Variants in LGALS1 observed in about 807,000 individuals in gnomAD.
LGALS1 encodes the protein galectin-1.
Under a neutral mutation model 14.4 loss-of-function variants are expected in LGALS1, and 14 were observed. That is an observed-to-expected ratio of 0.97 (90% CI 0.64 to 1.52). The LOEUF is 1.52. Among genes scored for constraint, LGALS1 ranks in the 40% most tolerant of loss-of-function variants. The pLI is 0.00. For missense variants in LGALS1, 170 were observed against 181.4 expected, an observed-to-expected ratio of 0.94 and a Z score of 0.36; for synonymous variants, 71 against 73.4, an observed-to-expected ratio of 0.97 and a Z score of 0.17.
rs749836349 is a variant in LGALS1, at chr22:37,678,588, C to A, written c.195C>A (p.Asp65Glu). ...DANTIVCNSK[D>E]GGAWGTEQRE... ...ACACCATCGTGTGCAACAGCAAGGA[C>A]GGCGGGGCCTGGGGGACCGAGCAGC... Residue 65 changes from aspartate to glutamate, a missense_variant, in exon 3 of 4, where the codon GAC becomes GAA. Transcript: ENST00000215909. 3.8e-6 allele frequency: 6 copies of A among 1,580,934 alleles called. No individual in the cohort carries two copies. In the Admixed American group the frequency reaches 6.8e-5, roughly 18 times the overall value.
Position 37,679,583 on chromosome 22 carries a change from C to T in LGALS1, c.262-20C>T. The T allele has an allele frequency of 3.8e-6, 6 of 1,575,008 alleles. No individual in the cohort carries two copies. Among genetic ancestry groups the T allele is most frequent in the Non-Finnish European group, 5.2e-6 (6 of 1,158,278 alleles). Reference sequence around the variant, plus strand: ...GCCCATGGCATGTGGGCCCGGCTCACTGCTCTCCTCTACCCCCAGGTGTGC... The same window carrying T: ...GCCCATGGCATGTGGGCCCGGCTCATTGCTCTCCTCTACCCCCAGGTGTGC... On this transcript the variant is annotated intron_variant, in intron 3 of 3. Coordinates refer to ENST00000215909, the MANE Select transcript of LGALS1 (RefSeq NM_002305.4).
chr22:37,678,492 G>C lies in LGALS1; in HGVS notation c.99G>C (p.Leu33=). The change falls in exon 3 of 4, where the codon CTG becomes CTC. Residue 33 remains leucine (L), a synonymous_variant. Coordinates refer to ENST00000215909, the MANE Select transcript of LGALS1 (RefSeq NM_002305.4). ...ACCCGTTACCCCCCAGCTTCGTGCTGAACCTGGGCAAAGACAGCAACAACC... is the reference window on the plus strand; with the variant it reads ...ACCCGTTACCCCCCAGCTTCGTGCTCAACCTGGGCAAAGACAGCAACAACC... ...EVAPDAKSFV[L]NLGKDSNNLC... 6.2e-7 allele frequency: 1 copy of C among 1,613,548 alleles called. No homozygotes were observed. The highest frequency in any genetic ancestry group is 2.2e-5 in the East Asian group (1 of 44,892).
Position 37,679,691 on chromosome 22 carries a change from C to A in LGALS1, c.350C>A (p.Ala117Asp). 2 of 1,611,028 alleles carry A rather than the reference C, an allele frequency of 1.2e-6. No individual in the cohort carries two copies. Among genetic ancestry groups the A allele is most frequent in the South Asian group, 2.2e-5 (2 of 90,276 alleles). Residue 117 changes from alanine (A) to aspartate (D), a missense_variant, in exon 4 of 4, where the codon GCC becomes GAC. Coordinates refer to ENST00000215909, the MANE Select transcript of LGALS1 (RefSeq NM_002305.4). ...TTCCCCAACCGCCTCAACCTGGAGG[C>A]CATCAACTACATGGCAGCTGACGGT... is the stretch of plus-strand genomic sequence containing the variant. ...FKFPNRLNLE[A>D]INYMAADGDF...
Position 37,675,724 on chromosome 22 carries a change from A to AC in LGALS1, c.9+22dup, listed in dbSNP as rs374036530. The AC allele has an allele frequency of 0.16, 226,294 of 1,382,962 alleles. 4,146 individuals carry two copies. The highest frequency in any genetic ancestry group is 0.19 in the Middle Eastern group (789 of 4,216). 85.7% of individuals were successfully genotyped at this position (1,382,962 alleles called of 1,614,324 possible). A position where few individuals can be genotyped will look rare whatever the true frequency, so the allele number is the denominator to read the frequency against. On this transcript the variant is annotated intron_variant, in intron 1 of 3. Transcript: ENST00000215909. ...AATCATGGCTTGTGTGAGTGTGGGG[A>AC]CCCCCCCCCAAGGTCCAGGGGATAG...
chr22:37,677,335 C>A (rs1431886379), intron 2 of LGALS1: 3 of 469,562 alleles, frequency 6.4e-6, no homozygotes, highest in Non-Finnish European at 1.2e-5. Context: ...CCCGCCCCCA[C>A]CCCTTTCCGG....
rs1052972928 is a variant in LGALS1 at position 37,679,544 on chromosome 22, C to A, written c.262-59C>A. The stretch of plus-strand genomic sequence containing the variant: ...GGCTGTGTCAGGGCCACATGAGGAA[C>A]GGGTTCTGGAAGGGCCCATGGCATG... On this transcript the variant is annotated intron_variant, in intron 3 of 3. Coordinates refer to ENST00000215909, the MANE Select transcript of LGALS1 (RefSeq NM_002305.4). The A allele has an allele frequency of 6.2e-6, 9 of 1,449,864 alleles. No homozygotes were observed. The Admixed American group carries it at 1.2e-4, about 19-fold the overall frequency. The allele number at this position is 1,449,864 out of a possible 1,614,324, so 89.8% of individuals were successfully genotyped here.
intron 2 of LGALS1, chr22:37,677,325 C>T (rs552219911): frequency 8.3e-6 from 4 of 483,832 alleles, no homozygotes; most frequent in African/African-American, 3.9e-5. Context: ...CCTTGACTCC[C>T]CCGCCCCCAC....
chr22:37,679,789 C>T lies in LGALS1; in HGVS notation c.*40C>T. 6.5e-7 allele frequency: 1 copy of T among 1,546,982 alleles called. No individual in the cohort carries two copies. Among genetic ancestry groups the T allele is most frequent in the Non-Finnish European group, 8.8e-7 (1 of 1,141,060 alleles). ...TGGCCCCCAATAAAGGCAGCTGCCT[C>T]TGCTCCCTCTGAACCAGCCTCGTGT... On this transcript the variant is annotated 3_prime_UTR_variant, in exon 4 of 4. Transcript: ENST00000215909.
Position 37,675,707 on chromosome 22 carries a change from C to T in LGALS1, c.5C>T (p.Ala2Val), listed in dbSNP as rs1422822843. The change falls in exon 1 of 4, where the codon GCT becomes GTT. Residue 2 changes from alanine to valine, a missense_variant. By Grantham distance (64) the Ala-to-Val change is moderately conservative. Transcript: ENST00000215909. M[A>V]CGLVASNLNL... ...AACATCCTCCTGGACTCAATCATGG[C>T]TTGTGTGAGTGTGGGGACCCCCCCC... 1 of 1,544,622 alleles carries T rather than the reference C, an allele frequency of 6.5e-7. No individual in the cohort carries two copies. Among genetic ancestry groups the T allele is most frequent in the Non-Finnish European group, 8.7e-7 (1 of 1,144,364 alleles).
At chr22:37,679,000 G>A (rs545893160) in intron 3 of LGALS1, among the ~76,000 whole-genome samples, 5 of 151,378 alleles carry the variant, frequency 3.3e-5, no homozygotes, top group African/African-American at 7.3e-5. Context: ...GCGTGATGGC[G>A]CATGCCTGTA....
At position 37,675,647 on chromosome 22, in the gene LGALS1, G is replaced by A. The variant is rs777445892; in HGVS notation, c.-56G>A. ...GCGTCCGGGGGCCCATCTCTCTCGG[G>A]TGGAGTCTTCTGACAGCTGGTGCGC... is the stretch of plus-strand genomic sequence containing the variant. On this transcript the variant is annotated 5_prime_UTR_variant, in exon 1 of 4. It adds an upstream start codon to the 5' untranslated region. Coordinates refer to ENST00000215909, the MANE Select transcript of LGALS1 (RefSeq NM_002305.4). 5 of 1,545,622 alleles carry A rather than the reference G, an allele frequency of 3.2e-6. No individual in the cohort carries two copies. The highest frequency in any genetic ancestry group is 3.5e-6 in the Non-Finnish European group (4 of 1,144,552).
In LGALS1 at chr22:37,675,679, G is replaced by T; in HGVS notation, c.-24G>T. On this transcript the variant is annotated 5_prime_UTR_variant, in exon 1 of 4. Coordinates refer to ENST00000215909, the MANE Select transcript of LGALS1 (RefSeq NM_002305.4). ...CTTCTGACAGCTGGTGCGCCTGCCC[G>T]GGAACATCCTCCTGGACTCAATCAT... 6.5e-7 allele frequency: 1 copy of T among 1,549,634 alleles called. No individual in the cohort carries two copies. Among genetic ancestry groups the T allele is most frequent in the East Asian group, 2.4e-5 (1 of 41,002 alleles).
In LGALS1 at chr22:37,675,722, G is replaced by A. The variant is rs1384627586; in HGVS notation, c.9+11G>A. 6.5e-7 allele frequency: 1 copy of A among 1,538,212 alleles called. No individual in the cohort carries two copies. Among genetic ancestry groups the A allele is most frequent in the African/African-American group, 1.4e-5 (1 of 71,422 alleles). On this transcript the variant is annotated intron_variant, in intron 1 of 3. Transcript: ENST00000215909. ...TCAATCATGGCTTGTGTGAGTGTGG[G>A]GACCCCCCCCCAAGGTCCAGGGGAT...
chr22:37,676,225 C>CG (rs71195036), intron 1 of LGALS1: 7,104 of 66,500 alleles, frequency 0.11, 198 homozygotes, highest in Non-Finnish European at 0.15. Flanking sequence ...AGGCTGGTGG[C>CG]GGGGGGGGCG....
At chr22:37,677,633 G>A (rs1453600516) in intron 2 of LGALS1, 1 of 157,380 alleles carries the variant, frequency 6.4e-6, no homozygotes, top group Non-Finnish European at 1.4e-5. Flanking sequence ...CAGTGACAGT[G>A]AGGAGGATGA....
At chr22:37,679,493 C>T (rs1921559937) in intron 3 of LGALS1, 110 bp from the exon 4 acceptor site, 2 of 884,266 alleles carry the variant, frequency 2.3e-6, no homozygotes, top group Admixed American at 6.4e-5. Context: ...TATAAATGTA[C>T]CTCCGCAGGC....
chr22:37,677,085 T>C lies in LGALS1; in HGVS notation c.89+20T>C. 3.7e-6 allele frequency: 6 copies of C among 1,612,074 alleles called. No individual in the cohort carries two copies. The highest frequency in any genetic ancestry group is 5.1e-6 in the Non-Finnish European group (6 of 1,178,826). ...TAAGAGGTGAGAAGTGAAGTCGGGG[T>C]GGTGGGCGGCAGGGACGGGCTTGGT... On this transcript the variant is annotated intron_variant, in intron 2 of 3. Transcript: ENST00000215909.
At chr22:37,676,782 G>T in intron 1 of LGALS1, 1 of 649,836 alleles carries the variant, frequency 1.5e-6, no homozygotes, top group Non-Finnish European at 2.9e-6. Context: ...AGCCAACCCC[G>T]GTGGGAATAG....
chr22:37,677,736 C>T (rs1323842227), intron 2 of LGALS1: 1 of 152,142 alleles, frequency 6.6e-6, no homozygotes, highest in African/African-American at 2.4e-5. Context: ...ATTATCACCA[C>T]TCAACAAATG....
Sources: gnomAD v4.1 joint callset for allele counts (sites outside exome capture counted in the v4.1 genomes callset) on GRCh38, gnomAD v4.1.1 for gene constraint, MANE v1.5 for transcripts, NCBI Gene and HGNC (gene_info 2026-07-23, HGNC 2026-07-21) for gene names.